CADPS: variants seen among roughly 807,000 people sequenced by gnomAD.
The protein encoded by CADPS is calcium-dependent secretion activator 1.
A neutral mutation model predicts 167.3 loss-of-function variants in CADPS; 57 were observed. The ratio of observed to expected loss-of-function variants is 0.34; its 90% confidence interval spans 0.28 to 0.42. The LOEUF is 0.42. CADPS is among the 20% of genes least tolerant of loss of function. CADPS has a pLI of 1.00. For missense variants in CADPS, 1,414 were observed against 1,738.1 expected (o/e 0.81, Z 3.32); for synonymous variants, 676 against 635.3 (o/e 1.06, Z -0.96).
rs974162789 is a variant in CADPS at position 62,678,204 on chromosome 3, C to A, written c.889-15810G>T. Among the ~76,000 whole-genome samples, 4 of 152,072 alleles carry A rather than the reference C, an allele frequency of 2.6e-5. No individual in the cohort carries two copies. The East Asian group carries it at 7.8e-4, about 30-fold the overall frequency. On this transcript the variant is annotated intron_variant, in intron 3 of 29. Coordinates refer to ENST00000383710, the MANE Select transcript of CADPS (RefSeq NM_003716.4). The stretch of plus-strand genomic sequence containing the variant: ...CAATCCCCTCTCCTTGATTTAAAAG[C>A]CTGAGATGCTGCACAGAGCCGAATC...
intron 25 of CADPS, 115 bp downstream of exon 25, chr3:62,466,224 T>C (rs2059919693): frequency 1.5e-6 from 1 of 688,516 alleles, no homozygotes; most frequent in East Asian, 2.7e-5. Flanking sequence ...CAATCTTGTT[T>C]CCTGAGAGAC....
At chr3:62,860,571 C>T (rs748881434) in intron 1 of CADPS, among the ~76,000 whole-genome samples, 9 of 152,150 alleles carry the variant, frequency 5.9e-5, no homozygotes, top group Non-Finnish European at 8.8e-5. Context: ...AATCCTTGGA[C>T]TTGCACAGTT....
intron 4 of CADPS, among the ~76,000 whole-genome samples, chr3:62,658,303 C>A (rs2072247576): frequency 6.6e-6 from 1 of 152,028 alleles, no homozygotes; most frequent in Admixed American, 6.6e-5. Context: ...CAGTGTCTGA[C>A]TGACACATTT....
At chr3:62,491,243 A>T (rs1322276214) in intron 21 of CADPS, 96 bp downstream of exon 21, 1 of 1,269,202 alleles carries the variant, frequency 7.9e-7, no homozygotes, top group Non-Finnish European at 1.1e-6. Context: ...TGTCCACAAT[A>T]ACAGTGAAAC....
chr3:62,452,605 A>T (rs1383488395), intron 26 of CADPS, among the ~76,000 whole-genome samples: 1 of 152,174 alleles, frequency 6.6e-6, no homozygotes, highest in African/African-American at 2.4e-5. Flanking sequence ...GAGAAGAAAA[A>T]AGATATGGGT....
At chr3:62,506,795 T>C (rs1205020768) in intron 17 of CADPS, among the ~76,000 whole-genome samples, 1 of 152,196 alleles carries the variant, frequency 6.6e-6, no homozygotes, top group Non-Finnish European at 1.5e-5. Context: ...GCTGGGCCAC[T>C]GTGGCCCTTC....
chr3:62,530,002 G>A (rs1399825199), intron 13 of CADPS, among the ~76,000 whole-genome samples: 4 of 151,990 alleles, frequency 2.6e-5, no homozygotes, highest in African/African-American at 4.8e-5. Context: ...TCACCAATTC[G>A]CCAATTTATA....
At chr3:62,856,367 A>T (rs896241784) in intron 1 of CADPS, among the ~76,000 whole-genome samples, 2 of 152,208 alleles carry the variant, frequency 1.3e-5, no homozygotes, top group Non-Finnish European at 2.9e-5. Flanking sequence ...ATGCAGAGAT[A>T]TTCCTAGTTC....
At chr3:62,507,900 C>T (rs775178829) in intron 17 of CADPS, among the ~76,000 whole-genome samples, 6 of 151,976 alleles carry the variant, frequency 3.9e-5, no homozygotes, top group Non-Finnish European at 5.9e-5. Flanking sequence ...TTGTGCTAAC[C>T]GATTTATTTA....
At chr3:62,520,857 C>T (rs937142122) in intron 13 of CADPS, among the ~76,000 whole-genome samples, 14 of 152,230 alleles carry the variant, frequency 9.2e-5, no homozygotes, top group African/African-American at 3.4e-4. Context: ...GATTTCACTT[C>T]ATTGTTTTCG....
chr3:62,713,006 T>C lies in CADPS; in HGVS notation c.888+40435A>G, dbSNP rs116190567. On this transcript the variant is annotated intron_variant, in intron 3 of 29. Transcript: ENST00000383710. ...GAGTAACCACATCAGGACTTTCTCA[T>C]GGTGAAGGAATTGCTAATGATTATA... is the stretch of plus-strand genomic sequence containing the variant. Among the ~76,000 whole-genome samples the C allele has an allele frequency of 4.7e-3, 714 of 152,324 alleles. 8 individuals are homozygous for C. The highest frequency in any genetic ancestry group is 0.016 in the African/African-American group (683 of 41,574).
intron 3 of CADPS, among the ~76,000 whole-genome samples, chr3:62,679,342 G>A (rs1235461263): frequency 6.6e-6 from 1 of 152,044 alleles, no homozygotes; most frequent in East Asian, 1.9e-4. Flanking sequence ...CCATCTTACT[G>A]GAGCTTCATC....
intron 17 of CADPS, among the ~76,000 whole-genome samples, chr3:62,505,708 C>T (rs1350882709): frequency 6.6e-6 from 1 of 152,168 alleles, no homozygotes; most frequent in Non-Finnish European, 1.5e-5. Context: ...CAAGAGAGTG[C>T]CATCATAGCA....
chr3:62,621,081 A>G (rs1267453855), intron 6 of CADPS, among the ~76,000 whole-genome samples: 1 of 152,148 alleles, frequency 6.6e-6, no homozygotes, highest in Non-Finnish European at 1.5e-5. Context: ...TCTGTTATTT[A>G]ATCTGTATCC....
intron 24 of CADPS, among the ~76,000 whole-genome samples, chr3:62,472,342 G>A (rs756854824): frequency 3.3e-5 from 5 of 152,132 alleles, no homozygotes; most frequent in Non-Finnish European, 7.4e-5. Context: ...GAATTTTATG[G>A]GTATGTGAAT....
chr3:62,638,040 A>C (rs1033176267), intron 6 of CADPS, among the ~76,000 whole-genome samples: 27 of 151,328 alleles, frequency 1.8e-4, no homozygotes, highest in African/African-American at 5.8e-4. Context: ...TACAATAGTC[A>C]ATAGGACTAC....
At chr3:62,697,353 G>C (rs935181629) in intron 3 of CADPS, among the ~76,000 whole-genome samples, 2 of 152,034 alleles carry the variant, frequency 1.3e-5, no homozygotes, top group Non-Finnish European at 2.9e-5. Flanking sequence ...ATGAGTGAGA[G>C]CATATGATGT....
chr3:62,662,712 G>A (rs1369822160), intron 3 of CADPS, among the ~76,000 whole-genome samples: 1 of 152,144 alleles, frequency 6.6e-6, no homozygotes, highest in Admixed American at 6.5e-5. Context: ...TGACCAAAGT[G>A]CTTACACGGC....
intron 26 of CADPS, among the ~76,000 whole-genome samples, chr3:62,456,951 A>G (rs1697208839): frequency 6.6e-6 from 1 of 152,154 alleles, no homozygotes; most frequent in African/African-American, 2.4e-5. Context: ...AGACTCTAGC[A>G]TATCAGTGGA....
Sources: gnomAD v4.1 joint callset for allele counts (sites outside exome capture counted in the v4.1 genomes callset) on GRCh38, gnomAD v4.1.1 for gene constraint, MANE v1.5 for transcripts, NCBI Gene and HGNC (gene_info 2026-07-23, HGNC 2026-07-21) for gene names.